Variants in GUCY2F observed in about 807,000 individuals in gnomAD.
The protein encoded by GUCY2F is guanylate cyclase 2F, retinal.
A neutral mutation model predicts 73.1 loss-of-function variants in GUCY2F; 61 were observed. The observed-to-expected ratio is 0.83, with a 90% CI of 0.68 to 1.03. The LOEUF is 1.03. Among genes scored for constraint, GUCY2F ranks in the 50% least tolerant of loss-of-function variants. GUCY2F has a pLI of 0.00. For missense variants in GUCY2F, 912 were observed against 854.3 expected (o/e 1.07, Z -0.84); for synonymous variants, 331 against 307.8 (o/e 1.08, Z -0.79).
intron 7 of GUCY2F, among the ~76,000 whole-genome samples, chrX:109,435,861 C>T (rs1365644035): frequency 9.0e-6 from 1 of 111,225 alleles, no homozygotes; most frequent in Non-Finnish European, 1.9e-5. Flanking sequence ...TTGTCAAAGG[C>T]CTTTTCTGCA....
chrX:109,465,543 G>A lies in GUCY2F; in HGVS notation c.731-100C>T, dbSNP rs182794633. 287 of 609,991 alleles carry A rather than the reference G, an allele frequency of 4.7e-4. 2 individuals are homozygous for A. In the African/African-American group the frequency reaches 5.5e-3, roughly 12 times the overall value. The allele number at this position is 609,991 out of a possible 1,213,427, so 50.3% of individuals were successfully genotyped here. On this transcript the variant is annotated intron_variant, in intron 2 of 19. Coordinates refer to ENST00000218006, the MANE Select transcript of GUCY2F (RefSeq NM_001522.3). ...AAAATAAATGTGTTCTAACCAATTT[G>A]TAAGTGGTTTCTTATGCCTCCAAGA...
chrX:109,388,411 A>G, intron 15 of GUCY2F, 78 bp downstream of exon 15: 1 of 775,670 alleles, frequency 1.3e-6, no homozygotes, highest in Non-Finnish European at 1.9e-6. Flanking sequence ...ATCAGGGGAG[A>G]GCTATCTTTT....
rs35726803 is a variant in GUCY2F at position 109,395,385 on chromosome X, C to T, written c.2380G>A (p.Glu794Lys). The T allele has an allele frequency of 6.0e-3, 7,211 of 1,204,276 alleles. 18 individuals carry two copies. Among genetic ancestry groups the T allele is most frequent in the Non-Finnish European group, 7.5e-3 (6,655 of 889,941 alleles). Residue 794 changes from glutamate (E) to lysine (K), a missense_variant, in exon 12 of 20, where the codon GAG (glutamate) becomes AAG (lysine). Glu to Lys is a moderately conservative substitution (Grantham distance 56). Transcript: ENST00000218006. ...AAAGTTGGTCGTTGTTCTGCAGCCT[C>T]AGCCCAGCACTGCTTCATCAGCTGG... ...CLQLMKQCWA[E>K]AAEQRPTFDE...
intron 3 of GUCY2F, among the ~76,000 whole-genome samples, chrX:109,456,639 C>G (rs1443150656): frequency 9.0e-6 from 1 of 111,342 alleles, no homozygotes; most frequent in Non-Finnish European, 1.9e-5. Context: ...GATTCTCTAG[C>G]CTAGACAACA....
At chrX:109,403,756 A>G (rs1930906093) in intron 10 of GUCY2F, among the ~76,000 whole-genome samples, 1 of 112,606 alleles carries the variant, frequency 8.9e-6, no homozygotes, top group Non-Finnish European at 1.9e-5. Flanking sequence ...TGTTTTCCCA[A>G]ATAAAATGTT....
chrX:109,380,824 G>A (rs899578258), intron 17 of GUCY2F, among the ~76,000 whole-genome samples: 2 of 112,290 alleles, frequency 1.8e-5, no homozygotes, highest in Admixed American at 9.4e-5. Context: ...CAACCCTTCA[G>A]CTTTTAAATG....
At chrX:109,388,216 G>C (rs996776970) in intron 15 of GUCY2F, among the ~76,000 whole-genome samples, 16 of 111,609 alleles carry the variant, frequency 1.4e-4, no homozygotes, top group Non-Finnish European at 2.8e-4. Flanking sequence ...TATACCTGTT[G>C]ATCTTGTAGC....
Position 109,475,222 on chromosome X carries a change from C to T in GUCY2F, c.715G>A (p.Ala239Thr), listed in dbSNP as rs1932660395. 4 of 1,200,440 alleles carry T rather than the reference C, an allele frequency of 3.3e-6. No homozygotes were observed. The South Asian group carries it at 7.2e-5, about 22-fold the overall frequency. Reference protein sequence around the residue: ...MRKALQRIHQADRIRIIIMCM... With the variant: ...MRKALQRIHQTDRIRIIIMCM... ...AAGCACTCACTGCGAATTCTGTCTG[C>T]CTGGTGAATCCTCTGGAGGGCTTTC... The change falls in exon 2 of 20, where the codon GCA (alanine) becomes ACA (threonine). Residue 239 changes from alanine to threonine, a missense_variant. Ala to Thr is a moderately conservative substitution (Grantham distance 58). Transcript: ENST00000218006.
chrX:109,387,153 G>T (rs1569355339), intron 15 of GUCY2F, among the ~76,000 whole-genome samples: 1 of 112,174 alleles, frequency 8.9e-6, no homozygotes, highest in East Asian at 2.8e-4. Flanking sequence ...CCAGGCAAGA[G>T]ATCTTGGTGT....
At chrX:109,415,189 T>C (rs1435459245) in intron 8 of GUCY2F, among the ~76,000 whole-genome samples, 1 of 111,882 alleles carries the variant, frequency 8.9e-6, no homozygotes, top group Non-Finnish European at 1.9e-5. Flanking sequence ...ACCAGGCTGT[T>C]GTCAGCCATT....
At chrX:109,442,494 C>A (rs946441425) in intron 6 of GUCY2F, among the ~76,000 whole-genome samples, 4 of 111,728 alleles carry the variant, frequency 3.6e-5, no homozygotes, top group Non-Finnish European at 7.5e-5. Flanking sequence ...CTCTCTACAA[C>A]TACATTATGC....
At chrX:109,472,329 A>G (rs1465840242) in intron 2 of GUCY2F, among the ~76,000 whole-genome samples, 3 of 110,309 alleles carry the variant, frequency 2.7e-5, no homozygotes, top group Admixed American at 9.6e-5. Flanking sequence ...AGGCCCCTCC[A>G]AAGGAAGGGG....
intron 5 of GUCY2F, 53 bp downstream of exon 5, chrX:109,451,970 C>A (rs1319791235): frequency 3.1e-6 from 2 of 643,506 alleles, no homozygotes; most frequent in Non-Finnish European, 5.2e-6. Context: ...TCAGTATTAA[C>A]AAGGCTAATA....
intron 5 of GUCY2F, among the ~76,000 whole-genome samples, chrX:109,450,702 A>G (rs1193882611): frequency 1.8e-5 from 2 of 112,416 alleles, no homozygotes; most frequent in Non-Finnish European, 3.8e-5. Flanking sequence ...AAGTGTTTTA[A>G]CAATTCATAA....
intron 3 of GUCY2F, among the ~76,000 whole-genome samples, chrX:109,464,083 G>A (rs1217958909): frequency 1.8e-5 from 2 of 112,520 alleles, no homozygotes; most frequent in Non-Finnish European, 3.8e-5. Context: ...TTAAACTTAT[G>A]TGTATGTTGT....
rs780452414 is a variant in GUCY2F, at chrX:109,446,113, C to T, written c.1569+1956G>A. Among the ~76,000 whole-genome samples the T allele has an allele frequency of 7.2e-5, 8 of 111,385 alleles. No homozygotes were observed. In the South Asian group the frequency reaches 2.3e-3, roughly 31 times the overall value. On this transcript the variant is annotated intron_variant, in intron 6 of 19. Transcript: ENST00000218006. ...AGGAGAATTACAAACCACTGCTCAA[C>T]GAAATAAAAGAGGACACAAACAAAT...
At chrX:109,401,641 G>C (rs1038782473) in intron 10 of GUCY2F, among the ~76,000 whole-genome samples, 10 of 111,432 alleles carry the variant, frequency 9.0e-5, no homozygotes, top group East Asian at 2.8e-4. Context: ...AGTTTGGGTG[G>C]GGGGAGACAA....
chrX:109,416,195 T>C (rs1452694261), intron 8 of GUCY2F, among the ~76,000 whole-genome samples: 1 of 106,872 alleles, frequency 9.4e-6, no homozygotes, highest in Non-Finnish European at 1.9e-5. Flanking sequence ...TGACCCATAC[T>C]CCAGGAAAAA....
chrX:109,465,121 A>G, intron 3 of GUCY2F, 21 bp downstream of exon 3: 1 of 1,146,659 alleles, frequency 8.7e-7, no homozygotes, highest in Admixed American at 2.3e-5. Flanking sequence ...AGCTCATGAC[A>G]ACCTATGAAT....
Sources: gnomAD v4.1 joint callset for allele counts (sites outside exome capture counted in the v4.1 genomes callset) on GRCh38, gnomAD v4.1.1 for gene constraint, MANE v1.5 for transcripts, NCBI Gene and HGNC (gene_info 2026-07-23, HGNC 2026-07-21) for gene names.